Variants in EXPH5 observed in about 807,000 individuals in gnomAD.
The protein encoded by EXPH5 is exophilin-5.
Under a neutral mutation model 41.1 loss-of-function variants are expected in EXPH5, and 42 were observed. The ratio of observed to expected loss-of-function variants is 1.02; its 90% CI spans 0.80 to 1.32. The LOEUF is 1.32. Among genes scored for constraint, EXPH5 ranks in the 40% most tolerant of loss-of-function variants. EXPH5 has a pLI of 0.00. For synonymous variants in EXPH5, 798 were observed against 833.5 expected (o/e 0.96, Z 0.73); for missense variants, 2,298 against 2,314.5 (o/e 0.99, Z 0.15).
At chr11:108,526,797 C>T (rs1340882296) in intron 4 of EXPH5, among the ~76,000 whole-genome samples, 1 of 152,146 alleles carries the variant, frequency 6.6e-6, no homozygotes, top group Non-Finnish European at 1.5e-5. Context: ...TGATCTTTAA[C>T]TCGTTAAACC....
chr11:108,564,533 G>A (rs528673582), intron 1 of EXPH5, among the ~76,000 whole-genome samples: 8 of 152,112 alleles, frequency 5.3e-5, no homozygotes, highest in Non-Finnish European at 1.2e-4. Flanking sequence ...CTCCCCTCTC[G>A]TTGGAGTTAT....
intron 3 of EXPH5, among the ~76,000 whole-genome samples, chr11:108,533,302 C>CAGG (rs2093855909): frequency 6.6e-6 from 1 of 151,854 alleles, no homozygotes; most frequent in African/African-American, 2.4e-5. Flanking sequence ...CTCCCGGGTT[C>CAGG]GAGTGATTCT....
intron 1 of EXPH5, among the ~76,000 whole-genome samples, chr11:108,555,311 T>C (rs1394730631): frequency 6.6e-6 from 1 of 152,272 alleles, no homozygotes; most frequent in African/African-American, 2.4e-5. Flanking sequence ...CCAGCATACA[T>C]GAATAGCTTA....
At position 108,508,011 on chromosome 11, in the gene EXPH5, A is replaced by AAAAG. The variant is rs2093653791; in HGVS notation, c.*1525_*1526insCTTT. On this transcript the variant is annotated 3_prime_UTR_variant, in exon 6 of 6. Transcript: ENST00000265843. ...CAACTCTACTAAAAATACCAAAAAA[A>AAAAG]AAAAAAAAAAAAAAAAAATTAGCCA... 1 of 147,468 alleles carries AAAAG rather than the reference A, an allele frequency of 6.8e-6. No homozygotes were observed. Among genetic ancestry groups the AAAAG allele is most frequent in the African/African-American group, 2.5e-5 (1 of 39,938 alleles). 9.1% of individuals were successfully genotyped at this position (147,468 alleles called of 1,614,324 possible). A position where few individuals can be genotyped will look rare whatever the true frequency, so the allele number is the denominator to read the frequency against.
rs1453018855 is a variant in EXPH5, at chr11:108,511,726, TG to T, written c.3780del (p.Ser1261AlafsTer19). On this transcript the variant is annotated frameshift_variant, in exon 6 of 6. Transcript: ENST00000265843. LOFTEE classifies it low-confidence loss of function (END_TRUNC). ...VSIYYTLPRK[P>X]SKKFCNLLQQ... is the part of the protein sequence containing the mutation. ...TGAAGGAGGTTACAGAATTTTTTGCTGGGTTTCCTCGGTAGAGTGTAATATA... is the reference window on the plus strand; with the variant it reads ...TGAAGGAGGTTACAGAATTTTTTGCTGGTTTCCTCGGTAGAGTGTAATATA... 1 of 1,608,972 alleles carries T rather than the reference TG, an allele frequency of 6.2e-7. No individual in the cohort carries two copies. Among genetic ancestry groups the T allele is most frequent in the East Asian group, 2.2e-5 (1 of 44,878 alleles).
chr11:108,563,698 T>C (rs899291575), intron 1 of EXPH5, among the ~76,000 whole-genome samples: 2 of 151,930 alleles, frequency 1.3e-5, no homozygotes, highest in African/African-American at 4.8e-5. Context: ...TAAACCTGCC[T>C]CCCAGCCACC....
chr11:108,597,128 A>G (rs903838451), upstream of EXPH5, among the ~76,000 whole-genome samples: 5 of 151,908 alleles, frequency 3.3e-5, no homozygotes, highest in Admixed American at 2.6e-4. Flanking sequence ...AGTTTTTTCC[A>G]TCCTTGACAA....
rs765714928 is a variant in EXPH5, at chr11:108,510,856, C to T, written c.4651G>A (p.Glu1551Lys). ...PQRSQEANMT[E>K]SRKAEDEMQK... Reference sequence around the variant, plus strand: ...ATTTCATCTTCAGCCTTCCTGCTCTCTGTCATATTTGCCTCCTGACTTCTT... The same window carrying T: ...ATTTCATCTTCAGCCTTCCTGCTCTTTGTCATATTTGCCTCCTGACTTCTT... The change falls in exon 6 of 6, where the codon GAG becomes AAG. Residue 1551 changes from glutamate to lysine, a missense_variant. Coordinates refer to ENST00000265843, the MANE Select transcript of EXPH5 (RefSeq NM_015065.3). 37 of 1,614,086 alleles carry T rather than the reference C, an allele frequency of 2.3e-5. No homozygotes were observed. The highest frequency in any genetic ancestry group is 2.9e-5 in the Non-Finnish European group (34 of 1,180,030).
intron 3 of EXPH5, among the ~76,000 whole-genome samples, chr11:108,532,181 A>ATT (rs553845370): frequency 1.1e-4 from 15 of 137,588 alleles, no homozygotes; most frequent in South Asian, 2.3e-4. Context: ...GCCATAGAGA[A>ATT]TTTTTTTTTT....
chr11:108,514,914 T>G (rs1350675792), intron 5 of EXPH5, 39 bp from the exon 6 acceptor site: 1 of 1,323,676 alleles, frequency 7.6e-7, no homozygotes. Context: ...TCTGTATGTT[T>G]TTACAGTTTA....
At chr11:108,519,115 T>C (rs1177323452) in intron 4 of EXPH5, among the ~76,000 whole-genome samples, 2 of 152,242 alleles carry the variant, frequency 1.3e-5, no homozygotes, top group Non-Finnish European at 2.9e-5. Context: ...GCTTTCACTT[T>C]ACGGACTCGC....
At chr11:108,528,886 A>T (rs1347481234) in intron 3 of EXPH5, among the ~76,000 whole-genome samples, 1 of 151,578 alleles carries the variant, frequency 6.6e-6, no homozygotes, top group African/African-American at 2.4e-5. Context: ...TATTTTTAGT[A>T]GAGATGGGTT....
At chr11:108,532,339 GATATATATATAT>G (rs761444200) in intron 3 of EXPH5, among the ~76,000 whole-genome samples, 7,212 of 23,438 alleles carry the variant, frequency 0.31, 1,159 homozygotes, top group East Asian at 0.57. Context: ...CACCACACTG[GATATATATATAT>G]ATATATATAT....
chr11:108,565,570 C>G (rs1368366218), intron 1 of EXPH5, among the ~76,000 whole-genome samples: 1 of 152,204 alleles, frequency 6.6e-6, no homozygotes, highest in Non-Finnish European at 1.5e-5. Context: ...CTCTGTCACT[C>G]TCTTCATCTT....
rs1349093611 is a variant in EXPH5, at chr11:108,505,796, T to C, written c.*3741A>G. The C allele has an allele frequency of 2.0e-5, 3 of 152,238 alleles. No homozygotes were observed. Among genetic ancestry groups the C allele is most frequent in the African/African-American group, 7.2e-5 (3 of 41,472 alleles). The allele number at this position is 152,238 out of a possible 1,614,324, so 9.4% of individuals were successfully genotyped here. On this transcript the variant is annotated 3_prime_UTR_variant, in exon 6 of 6. Transcript: ENST00000265843. ...TATTAATTTTATGGGGCTATGAGTT[T>C]TACAGTTTGATTCCCATCTTTGCCA...
chr11:108,517,260 TATTATTTTTTC>T (rs915547368), intron 5 of EXPH5, among the ~76,000 whole-genome samples: 18 of 152,294 alleles, frequency 1.2e-4, no homozygotes, highest in Middle Eastern at 3.4e-3. Flanking sequence ...GCCACATTAT[TATTATTTTTTC>T]ATTATTTTTT....
Position 108,518,223 on chromosome 11 carries a change from G to A in EXPH5, c.631+12C>T, listed in dbSNP as rs1362957541. 1.2e-6 allele frequency: 2 copies of A among 1,609,320 alleles called. No homozygotes were observed. Among genetic ancestry groups the A allele is most frequent in the Non-Finnish European group, 1.7e-6 (2 of 1,178,230 alleles). Reference sequence around the variant, plus strand: ...TCAGTAGTTGCAAAGGCAATTTAATGCATGAACTTACCTTGGAAAAACTCA... The same window carrying A: ...TCAGTAGTTGCAAAGGCAATTTAATACATGAACTTACCTTGGAAAAACTCA... On this transcript the variant is annotated intron_variant, in intron 5 of 5. Transcript: ENST00000265843.
chr11:108,514,194 C>T lies in EXPH5; in HGVS notation c.1313G>A (p.Ser438Asn). ...SLNAPMENAM[S>N]PDTFENSENM... ...CTCTGAGTTCTCAAAAGTGTCGGGA[C>T]TCATTGCATTCTCCATGGGAGCATT... Residue 438 changes from serine (S) to asparagine (N), a missense_variant, in exon 6 of 6, where the codon AGT (serine) becomes AAT (asparagine). Coordinates refer to ENST00000265843, the MANE Select transcript of EXPH5 (RefSeq NM_015065.3). 6.2e-7 allele frequency: 1 copy of T among 1,614,182 alleles called. No homozygotes were observed. The highest frequency in any genetic ancestry group is 8.5e-7 in the Non-Finnish European group (1 of 1,180,020).
At chr11:108,594,546 T>G (rs2094135856), upstream of EXPH5, among the ~76,000 whole-genome samples, 1 of 152,194 alleles carries the variant, frequency 6.6e-6, no homozygotes, top group Non-Finnish European at 1.5e-5. Flanking sequence ...CACAATGCAA[T>G]GAAGAATAAT....
Sources: gnomAD v4.1 joint callset for allele counts (sites outside exome capture counted in the v4.1 genomes callset) on GRCh38, gnomAD v4.1.1 for gene constraint, MANE v1.5 for transcripts, NCBI Gene and HGNC (gene_info 2026-07-23, HGNC 2026-07-21) for gene names.